KCNQ1: variants seen among roughly 807,000 people sequenced by gnomAD.
The protein encoded by KCNQ1 is potassium voltage-gated channel subfamily Q member 1, also known as potassium voltage-gated channel subfamily KQT member 1.
Under a neutral mutation model 72.4 loss-of-function variants are expected in KCNQ1, and 49 were observed. The observed-to-expected ratio is 0.68, with a 90% CI of 0.54 to 0.86. KCNQ1 has a LOEUF of 0.86. Among genes scored for constraint, KCNQ1 ranks in the 40% least tolerant of loss-of-function variants. The pLI is 0.00. For missense variants in KCNQ1, 790 were observed against 945.1 expected, an observed-to-expected ratio of 0.84 and a Z score of 2.15; for synonymous variants, 450 against 412.6, an observed-to-expected ratio of 1.09 and a Z score of -1.10.
rs1294971152 is a variant in KCNQ1 at position 2,463,646 on chromosome 11, G to T, written c.386+18162G>T. Among the ~76,000 whole-genome samples the T allele has an allele frequency of 6.6e-6, 1 of 152,174 alleles. No homozygotes were observed. The highest frequency in any genetic ancestry group is 1.5e-5 in the Non-Finnish European group (1 of 68,016). Reference sequence around the variant, plus strand: ...AGCTGTGTTTATGGGTGTACTCCCTGTGCTGGGCACTGCGCTGAGCTCAAC... The same window carrying T: ...AGCTGTGTTTATGGGTGTACTCCCTTTGCTGGGCACTGCGCTGAGCTCAAC... On this transcript the variant is annotated intron_variant, in intron 1 of 15. Coordinates refer to ENST00000155840, the MANE Select transcript of KCNQ1 (RefSeq NM_000218.3). This position sits in a 1 kb window ranked among gnomAD's most constrained non-coding sequence, Gnocchi z 7.0.
At position 2,588,702 on chromosome 11, in the gene KCNQ1, GT is replaced by G. The variant is rs12720450; in HGVS notation, c.1252-3del. The G allele has an allele frequency of 1.3e-5, 21 of 1,612,396 alleles. No individual in the cohort carries two copies. The East Asian group carries it at 2.7e-4, about 21-fold the overall frequency. ...CCAGGAACCGCTAATCTGTTGTCTT[GT>G]TTTTTTTAGGTAAAGAAAAAAAAGT... On this transcript the variant is annotated splice_polypyrimidine_tract_variant and intron_variant, in intron 9 of 15. Coordinates refer to ENST00000155840, the MANE Select transcript of KCNQ1 (RefSeq NM_000218.3). This position sits in a 1 kb window ranked among gnomAD's most constrained non-coding sequence, Gnocchi z 5.6.
Position 2,463,992 on chromosome 11 carries a change from G to A in KCNQ1, c.386+18508G>A, listed in dbSNP as rs1215324959. 3.9e-5 allele frequency among the ~76,000 whole-genome samples: 6 copies of A among 152,230 alleles called. No homozygotes were observed. The highest frequency in any genetic ancestry group is 8.8e-5 in the Non-Finnish European group (6 of 68,036). ...GGGTCTGGTTTGATAACCGTGGACC[G>A]GGGTGACAGGCCCTGACTCTGCAGA... On this transcript the variant is annotated intron_variant, in intron 1 of 15. Transcript: ENST00000155840. The surrounding 1 kb of genome is among the most constrained non-coding windows in gnomAD (Gnocchi z 7.0).
Position 2,769,019 on chromosome 11 carries a change from G to C in KCNQ1, c.1590+100G>C. The C allele has an allele frequency of 9.7e-7, 1 of 1,026,136 alleles. No individual in the cohort carries two copies. Among genetic ancestry groups the C allele is most frequent in the Non-Finnish European group, 1.5e-6 (1 of 658,818 alleles). The allele number at this position is 1,026,136 out of a possible 1,614,324, so 63.6% of individuals were successfully genotyped here. ...GGTTCTCTCCTGCCCATAGTGGAGG[G>C]TGTCAAGGCCTCCGCCCCCAAGCCA... is the stretch of plus-strand genomic sequence containing the variant. On this transcript the variant is annotated intron_variant, in intron 12 of 15. Coordinates refer to ENST00000155840, the MANE Select transcript of KCNQ1 (RefSeq NM_000218.3). The surrounding 1 kb of genome is among the most constrained non-coding windows in gnomAD (Gnocchi z 4.6).
In KCNQ1 at chr11:2,720,622, T is replaced by G. The variant is rs1160146563; in HGVS notation, c.1515-48222T>G. Among the ~76,000 whole-genome samples, 2 of 152,130 alleles carry G rather than the reference T, an allele frequency of 1.3e-5. No homozygotes were observed. Among genetic ancestry groups the G allele is most frequent in the African/African-American group, 2.4e-5 (1 of 41,432 alleles). On this transcript the variant is annotated intron_variant, in intron 11 of 15. Coordinates refer to ENST00000155840, the MANE Select transcript of KCNQ1 (RefSeq NM_000218.3). The surrounding 1 kb of genome is among the most constrained non-coding windows in gnomAD (Gnocchi z 5.1). The stretch of plus-strand genomic sequence containing the variant: ...GTGTCCTATGTTGGGGGTGTCAGCC[T>G]GGGTGTCAAGGCTGAAGAGGGGAGC...
intron 11 of KCNQ1, chr11:2,680,799 T>C (rs1850384188): frequency 7.7e-6 from 3 of 391,936 alleles, no homozygotes; most frequent in Non-Finnish European, 1.3e-5. Flanking sequence ...AAGAAAATTA[T>C]ATAAATGGAA....
intron 15 of KCNQ1, among the ~76,000 whole-genome samples, chr11:2,831,658 C>A (rs938364160): frequency 6.8e-6 from 1 of 148,034 alleles, no homozygotes; most frequent in Non-Finnish European, 1.5e-5. Context: ...CCTCCCCTTT[C>A]CCCTTCCCCA....
intron 1 of KCNQ1, among the ~76,000 whole-genome samples, chr11:2,465,276 C>T (rs75126050): frequency 0.011 from 1,751 of 152,348 alleles, 21 homozygotes; most frequent in South Asian, 0.029. Context: ...ACCGTGACCC[C>T]TTCTCCAAGG....
intron 6 of KCNQ1, among the ~76,000 whole-genome samples, chr11:2,583,161 C>T (rs1230571154): frequency 1.3e-5 from 2 of 152,162 alleles, no homozygotes; most frequent in Non-Finnish European, 2.9e-5. Context: ...CCCAGGCCCA[C>T]GTTCCCAGCC....
rs578068734 is a variant in KCNQ1 at position 2,712,032 on chromosome 11, T to C, written c.1514+49951T>C. 7.5e-4 allele frequency among the ~76,000 whole-genome samples: 114 copies of C among 152,260 alleles called. No homozygotes were observed. The highest frequency in any genetic ancestry group is 2.6e-3 in the African/African-American group (106 of 41,534). The stretch of plus-strand genomic sequence containing the variant: ...GGTATGCCCAGCCTTGCTGAATCTC[T>C]ACCCATCTGTAAAAAGGAGAAATCG... On this transcript the variant is annotated intron_variant, in intron 11 of 15. Coordinates refer to ENST00000155840, the MANE Select transcript of KCNQ1 (RefSeq NM_000218.3). This position sits in a 1 kb window ranked among gnomAD's most constrained non-coding sequence, Gnocchi z 6.4.
Position 2,627,564 on chromosome 11 carries a change from T to C in KCNQ1, c.1394-34397T>C, listed in dbSNP as rs983423139. ...GGATAGTGCAGTATTTGTCTTTCTGTGTCTGGCTATTTCACTTAGCATAAT... is the reference window on the plus strand; with the variant it reads ...GGATAGTGCAGTATTTGTCTTTCTGCGTCTGGCTATTTCACTTAGCATAAT... On this transcript the variant is annotated intron_variant, in intron 10 of 15. Coordinates refer to ENST00000155840, the MANE Select transcript of KCNQ1 (RefSeq NM_000218.3). The surrounding 1 kb of genome is among the most constrained non-coding windows in gnomAD (Gnocchi z 4.9). 6 of 398,470 alleles carry C rather than the reference T, an allele frequency of 1.5e-5. No individual in the cohort carries two copies. The highest frequency in any genetic ancestry group is 4.4e-5 in the Admixed American group (1 of 22,714). The allele number at this position is 398,470 out of a possible 1,614,324, so 24.7% of individuals were successfully genotyped here.
At chr11:2,662,197 G>A (rs758332526) in intron 11 of KCNQ1, 116 bp downstream of exon 11, 66 of 1,422,732 alleles carry the variant, frequency 4.6e-5, no homozygotes, top group Non-Finnish European at 6.2e-5. Flanking sequence ...CTCGCCTAGT[G>A]CCCACCACTT....
In KCNQ1 at chr11:2,748,654, G is replaced by A. The variant is rs1179485346; in HGVS notation, c.1515-20190G>A. Among the ~76,000 whole-genome samples, 1 of 152,220 alleles carries A rather than the reference G, an allele frequency of 6.6e-6. No homozygotes were observed. Among genetic ancestry groups the A allele is most frequent in the Non-Finnish European group, 1.5e-5 (1 of 68,026 alleles). On this transcript the variant is annotated intron_variant, in intron 11 of 15. Transcript: ENST00000155840. This position sits in a 1 kb window ranked among gnomAD's most constrained non-coding sequence, Gnocchi z 6.2. Reference sequence around the variant, plus strand: ...GAGGCCACCCAGAGCCCACAGCAGGGACTCCCCACGCCAGGCCCGGCTGGA... The same window carrying A: ...GAGGCCACCCAGAGCCCACAGCAGGAACTCCCCACGCCAGGCCCGGCTGGA...
intron 1 of KCNQ1, among the ~76,000 whole-genome samples, chr11:2,470,422 T>C (rs1284546296): frequency 2.0e-5 from 3 of 152,042 alleles, no homozygotes; most frequent in African/African-American, 7.2e-5. Flanking sequence ...AGAAGACGTA[T>C]ATTGGAGGAA....
rs3831584 is a variant in KCNQ1 at position 2,682,475 on chromosome 11, CGAGTGAGT to C, written c.1514+20419_1514+20426del. On this transcript the variant is annotated intron_variant, in intron 11 of 15. Coordinates refer to ENST00000155840, the MANE Select transcript of KCNQ1 (RefSeq NM_000218.3). The surrounding 1 kb of genome is among the most constrained non-coding windows in gnomAD (Gnocchi z 5.8). ...TCACGGACCCTCAGTGAATGTTTGA[CGAGTGAGT>C]GAGTGAGTGAGTGAGTGAGTGAGTA... The C allele has an allele frequency of 1.5e-4, 61 of 394,096 alleles. No homozygotes were observed. Among genetic ancestry groups the C allele is most frequent in the Middle Eastern group, 6.3e-4 (1 of 1,578 alleles). The allele number at this position is 394,096 out of a possible 1,614,324, so 24.4% of individuals were successfully genotyped here.
At chr11:2,774,155 A>T (rs1214579060) in intron 12 of KCNQ1, among the ~76,000 whole-genome samples, 2 of 152,264 alleles carry the variant, frequency 1.3e-5, no homozygotes, top group African/African-American at 4.8e-5. Flanking sequence ...TCAGCATTTT[A>T]TCTTACAGAA....
chr11:2,572,188 C>A, intron 5 of KCNQ1, 79 bp downstream of exon 5: 1 of 1,078,176 alleles, frequency 9.3e-7, no homozygotes. Flanking sequence ...ACTAGGACAG[C>A]TTGAGATGCG....
In KCNQ1 at chr11:2,769,425, T is replaced by A. The variant is rs1037488487; in HGVS notation, c.1590+506T>A. Among the ~76,000 whole-genome samples, 4 of 152,096 alleles carry A rather than the reference T, an allele frequency of 2.6e-5. No individual in the cohort carries two copies. Among genetic ancestry groups the A allele is most frequent in the Non-Finnish European group, 5.9e-5 (4 of 68,012 alleles). On this transcript the variant is annotated intron_variant, in intron 12 of 15. Coordinates refer to ENST00000155840, the MANE Select transcript of KCNQ1 (RefSeq NM_000218.3). This position sits in a 1 kb window ranked among gnomAD's most constrained non-coding sequence, Gnocchi z 4.6. The stretch of plus-strand genomic sequence containing the variant: ...TGGAGGGAGGCTGGGCCCTGCTCTG[T>A]AAGAGGTGGGGTCCCCTTGGCCAGG...
chr11:2,529,785 G>C (rs919051739), intron 2 of KCNQ1, among the ~76,000 whole-genome samples: 17 of 152,290 alleles, frequency 1.1e-4, no homozygotes, highest in African/African-American at 4.1e-4. Context: ...TCCAGAGCTG[G>C]GGGTGGTACC....
At chr11:2,485,055 C>T (rs546122854) in intron 1 of KCNQ1, among the ~76,000 whole-genome samples, 11 of 152,264 alleles carry the variant, frequency 7.2e-5, no homozygotes, top group Non-Finnish European at 1.6e-4. Context: ...CTGTGCACGG[C>T]GCGTCTTGTC....
Sources: gnomAD v4.1 joint callset for allele counts (sites outside exome capture counted in the v4.1 genomes callset) on GRCh38, gnomAD v4.1.1 for gene constraint, Gnocchi (gnomAD v3.1) non-coding constraint, MANE v1.5 for transcripts, NCBI Gene and HGNC (gene_info 2026-07-23, HGNC 2026-07-21) for gene names.